Variants in SCFD2 observed in about 807,000 individuals in gnomAD.
SCFD2 encodes sec1 family domain-containing protein 2.
Under a neutral mutation model 58.9 loss-of-function variants are expected in SCFD2, and 54 were observed. The observed-to-expected ratio is 0.92, with a 90% CI of 0.74 to 1.15. The LOEUF is 1.15. Ranked by LOEUF, SCFD2 falls within the 50% of genes most tolerant of loss-of-function variation. The pLI, the probability that SCFD2 is intolerant of heterozygous loss-of-function variation, is 0.00. For synonymous variants in SCFD2, 321 were observed against 335.9 expected (o/e 0.96, Z 0.49); for missense variants, 805 against 836.6 (o/e 0.96, Z 0.47).
At chr4:53,173,872 T>C (rs1382068480) in intron 4 of SCFD2, among the ~76,000 whole-genome samples, 2 of 152,176 alleles carry the variant, frequency 1.3e-5, no homozygotes, top group Non-Finnish European at 2.9e-5. Flanking sequence ...TCATACCATA[T>C]AGACATACAC....
chr4:53,197,780 T>G (rs1173958823), intron 4 of SCFD2, among the ~76,000 whole-genome samples: 1 of 150,848 alleles, frequency 6.6e-6, no homozygotes, highest in African/African-American at 2.4e-5. Context: ...AATGAATATT[T>G]CATCTTGCTC....
intron 4 of SCFD2, among the ~76,000 whole-genome samples, chr4:53,222,572 C>A (rs555413897): frequency 6.6e-6 from 1 of 152,042 alleles, no homozygotes; most frequent in African/African-American, 2.4e-5. Flanking sequence ...GAAAACAAGA[C>A]GGGACTTCAA....
rs62338997 is a variant in SCFD2 at position 53,090,104 on chromosome 4, T to C, written c.1561+55229A>G. On this transcript the variant is annotated intron_variant, in intron 5 of 8. Coordinates refer to ENST00000401642, the MANE Select transcript of SCFD2 (RefSeq NM_152540.4). ...AGCTGGAGAAGCTTTTGAAGGTTTG[T>C]CAGAAACTATGATGTCTGGGTGGCA... Among the ~76,000 whole-genome samples, 920 of 152,304 alleles carry C rather than the reference T, an allele frequency of 6.0e-3. 3 individuals are homozygous for C. Among genetic ancestry groups the C allele is most frequent in the Non-Finnish European group, 0.01 (685 of 68,022 alleles).
intron 4 of SCFD2, among the ~76,000 whole-genome samples, chr4:53,187,451 A>C (rs1727770607): frequency 6.6e-6 from 1 of 152,100 alleles, no homozygotes; most frequent in Non-Finnish European, 1.5e-5. Context: ...ATATGTTATG[A>C]CCTAGGAAAT....
chr4:53,180,819 A>C (rs1205207854), intron 4 of SCFD2, among the ~76,000 whole-genome samples: 1 of 152,208 alleles, frequency 6.6e-6, no homozygotes, highest in African/African-American at 2.4e-5. Context: ...GACAAAGGGG[A>C]TATCACCACC....
chr4:52,946,329 C>A (rs781283058), intron 5 of SCFD2, among the ~76,000 whole-genome samples: 18 of 152,008 alleles, frequency 1.2e-4, no homozygotes, highest in Non-Finnish European at 2.6e-4. Flanking sequence ...GGAAAAGATT[C>A]TAAAATTTTC....
intron 5 of SCFD2, among the ~76,000 whole-genome samples, chr4:53,063,904 G>C (rs148829578): frequency 2.0e-5 from 3 of 151,962 alleles, no homozygotes; most frequent in Non-Finnish European, 4.4e-5. Flanking sequence ...TAAGCTCAAG[G>C]CATCAACTGT....
intron 4 of SCFD2, among the ~76,000 whole-genome samples, chr4:53,271,234 T>A (rs2149065648): frequency 6.6e-6 from 1 of 152,056 alleles, no homozygotes; most frequent in Non-Finnish European, 1.5e-5. Context: ...TAACAATATA[T>A]AACAGGAGAC....
intron 8 of SCFD2, among the ~76,000 whole-genome samples, chr4:52,885,375 A>C (rs150523694): frequency 2.7e-4 from 41 of 152,268 alleles, no homozygotes; most frequent in African/African-American, 7.9e-4. Flanking sequence ...CAGAGCTAGA[A>C]AAGAAGAGCT....
chr4:53,252,238 T>C (rs1227276253), intron 4 of SCFD2, among the ~76,000 whole-genome samples: 2 of 143,770 alleles, frequency 1.4e-5, no homozygotes, highest in East Asian at 2.0e-4. Flanking sequence ...TAAAAGAGGA[T>C]ACAAACAAAT....
At chr4:53,012,190 C>T (rs1722108276) in intron 5 of SCFD2, among the ~76,000 whole-genome samples, 1 of 151,908 alleles carries the variant, frequency 6.6e-6, no homozygotes, top group Non-Finnish European at 1.5e-5. Context: ...GAGAAAAGCC[C>T]AGCCGTGTTA....
chr4:53,125,690 G>C (rs751727638), intron 5 of SCFD2, among the ~76,000 whole-genome samples: 16 of 152,214 alleles, frequency 1.1e-4, no homozygotes, highest in Non-Finnish European at 2.2e-4. Flanking sequence ...ACACACTCCT[G>C]CCACTTCATA....
rs371867052 is a variant in SCFD2, at chr4:52,943,333, A to G, written c.1562-22463T>C. Among the ~76,000 whole-genome samples the G allele has an allele frequency of 4.6e-5, 7 of 152,328 alleles. No individual in the cohort carries two copies. The East Asian group carries it at 5.8e-4, about 13-fold the overall frequency. ...ATGTTTTAGTTTGTTCTGTGCTGCTATAACAGAATATTTCAGACTGGGTAA... is the reference window on the plus strand; with the variant it reads ...ATGTTTTAGTTTGTTCTGTGCTGCTGTAACAGAATATTTCAGACTGGGTAA... On this transcript the variant is annotated intron_variant, in intron 5 of 8. Coordinates refer to ENST00000401642, the MANE Select transcript of SCFD2 (RefSeq NM_152540.4).
intron 5 of SCFD2, among the ~76,000 whole-genome samples, chr4:52,977,264 G>A (rs768467192): frequency 6.6e-6 from 1 of 152,044 alleles, no homozygotes. Flanking sequence ...TTCTGAAGAG[G>A]TCACTTACAC....
intron 5 of SCFD2, among the ~76,000 whole-genome samples, chr4:52,921,632 G>A (rs1212047824): frequency 1.3e-5 from 2 of 152,094 alleles, no homozygotes; most frequent in African/African-American, 4.8e-5. Context: ...TAAGTATAAG[G>A]GGACTGAGGT....
chr4:52,939,366 G>A (rs959178065), intron 5 of SCFD2, among the ~76,000 whole-genome samples: 1 of 152,144 alleles, frequency 6.6e-6, no homozygotes, highest in Non-Finnish European at 1.5e-5. Flanking sequence ...CTGATGTTCA[G>A]AATTGCTAGT....
intron 4 of SCFD2, among the ~76,000 whole-genome samples, chr4:53,161,704 A>G (rs1248035139): frequency 6.6e-6 from 1 of 152,196 alleles, no homozygotes; most frequent in Non-Finnish European, 1.5e-5. Flanking sequence ...GGGACAAGTG[A>G]CTTCTTCAGA....
intron 5 of SCFD2, among the ~76,000 whole-genome samples, chr4:52,924,117 G>A (rs529633286): frequency 7.9e-5 from 12 of 152,032 alleles, no homozygotes; most frequent in Non-Finnish European, 1.2e-4. Flanking sequence ...AAAGTAATTC[G>A]TTTTCTATAG....
At chr4:53,197,990 T>A (rs1454084091) in intron 4 of SCFD2, among the ~76,000 whole-genome samples, 1 of 152,076 alleles carries the variant, frequency 6.6e-6, no homozygotes, top group East Asian at 1.9e-4. Context: ...ACTGAAACTA[T>A]TTGTACTTAA....
Sources: gnomAD v4.1 joint callset for allele counts (sites outside exome capture counted in the v4.1 genomes callset) on GRCh38, gnomAD v4.1.1 for gene constraint, MANE v1.5 for transcripts, NCBI Gene and HGNC (gene_info 2026-07-23, HGNC 2026-07-21) for gene names.